The following MYO6 variants were observed in gnomAD, a reference collection of about 807,000 sequenced individuals.
MYO6 encodes myosin VI.
Under a neutral mutation model 178.7 loss-of-function variants are expected in MYO6, and 74 were observed. That is an observed-to-expected ratio of 0.41 (90% CI 0.34 to 0.50). The LOEUF (loss-of-function observed/expected upper bound fraction) is 0.50. Among genes scored for constraint, MYO6 ranks in the 20% least tolerant of loss-of-function variants. MYO6 has a pLI of 0.09. For missense variants in MYO6, 1,330 were observed against 1,547.4 expected, an observed-to-expected ratio of 0.86 and a Z score of 2.36; for synonymous variants, 477 against 504.6, an observed-to-expected ratio of 0.95 and a Z score of 0.73.
At chr6:75,845,907 A>C (rs1228705613) in intron 10 of MYO6, among the ~76,000 whole-genome samples, 1 of 151,878 alleles carries the variant, frequency 6.6e-6, no homozygotes, top group Non-Finnish European at 1.5e-5. Flanking sequence ...GAATCGCTTG[A>C]ACCCAGGAGA....
intron 1 of MYO6, among the ~76,000 whole-genome samples, chr6:75,802,467 T>C (rs1245081791): frequency 2.7e-5 from 3 of 109,216 alleles, no homozygotes; most frequent in African/African-American, 1.2e-4. Flanking sequence ...AGACTCAGTA[T>C]CAAAAAAAAA....
rs1252485443 is a variant in MYO6, at chr6:75,886,080, G to C, written c.2493G>C (p.Arg831Ser). The part of the protein sequence containing the change: ...QKTIRMWLCK[R>S]RHKPRIDGLV... ...CTATTCGAATGTGGCTTTGCAAGAG[G>C]AGACACAAACCTCGGTAAGATGAAT... Residue 831 changes from arginine to serine, a missense_variant, in exon 24 of 35, where the codon AGG becomes AGC. By Grantham distance (110) the Arg-to-Ser change is moderately radical. Coordinates refer to ENST00000369977, the MANE Select transcript of MYO6 (RefSeq NM_004999.4). 3.1e-6 allele frequency: 5 copies of C among 1,609,250 alleles called. No individual in the cohort carries two copies. The highest frequency in any genetic ancestry group is 1.3e-5 in the African/African-American group (1 of 74,762).
chr6:75,788,867 GGGAATTAA>G (rs772797222), intron 1 of MYO6, among the ~76,000 whole-genome samples: 9 of 152,262 alleles, frequency 5.9e-5, no homozygotes, highest in Non-Finnish European at 1.3e-4. Context: ...GGTGGGAGAA[GGGAATTAA>G]GGAATTAAGG....
Position 75,891,254 on chromosome 6 carries a change from A to G in MYO6, c.2894A>G (p.Lys965Arg). ...RMKLEMEAKRKQEEEERKKRE... is the reference protein window; with the variant it reads ...RMKLEMEAKRRQEEEERKKRE... ...AAACTTGAGATGGAAGCAAAGAGAA[A>G]ACAAGAAGAAGAAGAGAGAAAGAAA... The change falls in exon 27 of 35, where the codon AAA becomes AGA. Residue 965 changes from lysine (K) to arginine (R), a missense_variant. Around this residue, in one of 3 missense-constraint regions of MYO6, gnomAD observed 601 missense variants for 626.1 expected, o/e 0.96. Transcript: ENST00000369977. The G allele has an allele frequency of 6.2e-7, 1 of 1,608,806 alleles. No homozygotes were observed. The highest frequency in any genetic ancestry group is 1.1e-5 in the South Asian group (1 of 90,776).
Position 75,832,943 on chromosome 6 carries a change from C to A in MYO6, c.493C>A (p.Leu165Ile), listed in dbSNP as rs1773260822. Residue 165 changes from leucine (L) to isoleucine (I), a missense_variant, in exon 6 of 35, where the codon CTA (leucine) becomes ATA (isoleucine). By Grantham distance (5) the Leu-to-Ile change is conservative. Transcript: ENST00000369977. ...AGKTENTKFV[L>I]RYLTESYGTG... ...CAAAACAGAAAATACAAAATTTGTT[C>A]TAAGGTGAGTATTCAGCTAACTTGA... The A allele has an allele frequency of 6.2e-7, 1 of 1,603,716 alleles. No homozygotes were observed. Among genetic ancestry groups the A allele is most frequent in the African/African-American group, 1.3e-5 (1 of 74,652 alleles).
At chr6:75,811,615 T>C (rs1466010111) in intron 1 of MYO6, among the ~76,000 whole-genome samples, 1 of 152,238 alleles carries the variant, frequency 6.6e-6, no homozygotes, top group Non-Finnish European at 1.5e-5. Context: ...AGTTTTGCTT[T>C]GCTGTGATTT....
chr6:75,912,388 G>C (rs750944527), intron 33 of MYO6, among the ~76,000 whole-genome samples: 2 of 151,990 alleles, frequency 1.3e-5, no homozygotes, highest in Non-Finnish European at 2.9e-5. Flanking sequence ...TTACACAATT[G>C]AATGTGAAGG....
chr6:75,885,388 G>T (rs1169834536), intron 23 of MYO6, among the ~76,000 whole-genome samples: 2 of 151,966 alleles, frequency 1.3e-5, no homozygotes, highest in African/African-American at 4.8e-5. Flanking sequence ...ACACAAATTA[G>T]CCCAGCATGG....
chr6:75,778,060 G>A (rs9447549), intron 1 of MYO6, among the ~76,000 whole-genome samples: 8,207 of 151,876 alleles, frequency 0.054, 487 homozygotes, highest in African/African-American at 0.14. Flanking sequence ...GAGTCTTGCT[G>A]TATTGCCCAA....
intron 6 of MYO6, among the ~76,000 whole-genome samples, chr6:75,833,995 T>C (rs1773388883): frequency 1.3e-5 from 2 of 152,224 alleles, no homozygotes; most frequent in Admixed American, 1.3e-4. Context: ...TGGAGGATAC[T>C]GGTACTGGTT....
At chr6:75,893,200 A>G (rs900585115) in intron 28 of MYO6, among the ~76,000 whole-genome samples, 3 of 152,114 alleles carry the variant, frequency 2.0e-5, no homozygotes, top group African/African-American at 7.2e-5. Flanking sequence ...GGAGGGTTAA[A>G]TTCATTGAAA....
intron 6 of MYO6, among the ~76,000 whole-genome samples, chr6:75,833,362 A>T (rs1416601016): frequency 2.0e-5 from 3 of 152,220 alleles, no homozygotes; most frequent in Admixed American, 1.3e-4. Context: ...AGTGTATAGC[A>T]TAGTAGCATT....
intron 1 of MYO6, among the ~76,000 whole-genome samples, chr6:75,804,982 C>CAT (rs202082311): frequency 2.1e-4 from 27 of 131,280 alleles, no homozygotes; most frequent in South Asian, 2.4e-4. Flanking sequence ...TATACACACA[C>CAT]ATATATATAT....
chr6:75,893,422 A>G (rs1356628014), intron 28 of MYO6, among the ~76,000 whole-genome samples: 1 of 152,184 alleles, frequency 6.6e-6, no homozygotes, highest in African/African-American at 2.4e-5. Flanking sequence ...TATATGTTGT[A>G]TATATACTGA....
chr6:75,835,611 T>C (rs1773563878), intron 6 of MYO6, among the ~76,000 whole-genome samples: 2 of 152,074 alleles, frequency 1.3e-5, no homozygotes, highest in Admixed American at 1.3e-4. Context: ...TTTTGTATTT[T>C]AGTAGAGAAG....
intron 1 of MYO6, among the ~76,000 whole-genome samples, chr6:75,788,191 A>G (rs1273672667): frequency 1.3e-5 from 2 of 152,152 alleles, no homozygotes; most frequent in Admixed American, 6.5e-5. Context: ...CAGCCTGGGC[A>G]ACATGGTGAA....
At chr6:75,759,658 C>G (rs1469711948) in intron 1 of MYO6, among the ~76,000 whole-genome samples, 1 of 151,952 alleles carries the variant, frequency 6.6e-6, no homozygotes, top group Non-Finnish European at 1.5e-5. Context: ...TGGAGATTAA[C>G]TAGGACATTA....
intron 1 of MYO6, among the ~76,000 whole-genome samples, chr6:75,795,155 T>C (rs1288846459): frequency 6.6e-6 from 1 of 152,196 alleles, no homozygotes; most frequent in Non-Finnish European, 1.5e-5. Flanking sequence ...AAGTTGTTAG[T>C]GTAAAGACTC....
At position 75,908,550 on chromosome 6, in the gene MYO6, A is replaced by G. The variant is rs1437737332; in HGVS notation, c.3335A>G (p.Tyr1112Cys). The G allele has an allele frequency of 6.2e-7, 1 of 1,613,632 alleles. No homozygotes were observed. Among genetic ancestry groups the G allele is most frequent in the Admixed American group, 1.7e-5 (1 of 60,014 alleles). ...GAATTTCATAGGAGACTAAAAGTGTATCATGCTTGGAAATCTAAGAACAAG... is the reference window on the plus strand; with the variant it reads ...GAATTTCATAGGAGACTAAAAGTGTGTCATGCTTGGAAATCTAAGAACAAG... ...REEFHRRLKV[Y>C]HAWKSKNKKR... Residue 1112 changes from tyrosine to cysteine, a missense_variant, in exon 32 of 35, where the codon TAT becomes TGT. Physicochemically the swap from Tyr to Cys is radical, Grantham distance 194 (BLOSUM62 -2). Transcript: ENST00000369977.
Sources: allele counts gnomAD v4.1 joint callset (sites outside exome capture counted in the v4.1 genomes callset), GRCh38; gene constraint gnomAD v4.1.1; regional missense constraint gnomAD v4.1.1; transcripts MANE v1.5; gene names NCBI Gene and HGNC (gene_info 2026-07-23, HGNC 2026-07-21).